CDH10: variants seen among roughly 807,000 people sequenced by gnomAD.
CDH10 encodes cadherin-10.
CDH10 carries 30 observed loss-of-function variants against 73.1 expected under a neutral mutation model. The ratio of observed to expected loss-of-function variants is 0.41; its 90% CI spans 0.31 to 0.56. The LOEUF is 0.56. Ranked by LOEUF, CDH10 falls within the 20% of genes least tolerant of loss-of-function variation. The pLI, the probability that CDH10 is intolerant of heterozygous loss-of-function variation, is 0.27. For synonymous variants in CDH10, 345 were observed against 348.2 expected (o/e 0.99, Z 0.10); for missense variants, 815 against 973.7 (o/e 0.84, Z 2.17).
intron 2 of CDH10, among the ~76,000 whole-genome samples, chr5:24,556,662 C>T (rs1205053892): frequency 6.6e-6 from 1 of 151,566 alleles, no homozygotes. Context: ...TTAAACTAAC[C>T]ATTAAATAGT....
intron 7 of CDH10, among the ~76,000 whole-genome samples, chr5:24,506,927 AT>A (rs1167841385): frequency 2.0e-5 from 3 of 152,190 alleles, no homozygotes; most frequent in African/African-American, 7.2e-5. Flanking sequence ...TAATGACAAA[AT>A]TTTGAACATT....
In CDH10 at chr5:24,630,288, C is replaced by T. The variant is rs186816799; in HGVS notation, c.-124+14306G>A. Among the ~76,000 whole-genome samples the T allele has an allele frequency of 2.5e-3, 383 of 152,156 alleles. 2 individuals are homozygous for T. Among genetic ancestry groups the T allele is most frequent in the African/African-American group, 8.9e-3 (371 of 41,530 alleles). On this transcript the variant is annotated intron_variant, in intron 1 of 11. Transcript: ENST00000264463. ...GGAGGCCACACACAGGGGCTCACTCCTGTAATCCCAGCACTTTGTAATCCC... is the reference window on the plus strand; with the variant it reads ...GGAGGCCACACACAGGGGCTCACTCTTGTAATCCCAGCACTTTGTAATCCC...
At chr5:24,582,051 C>T (rs1380316825) in intron 2 of CDH10, among the ~76,000 whole-genome samples, 2 of 152,122 alleles carry the variant, frequency 1.3e-5, no homozygotes, top group Non-Finnish European at 2.9e-5. Context: ...ATGACAACTT[C>T]TGAAAAGATT....
chr5:24,554,785 T>G (rs1291570665), intron 2 of CDH10, among the ~76,000 whole-genome samples: 3 of 152,092 alleles, frequency 2.0e-5, no homozygotes. Flanking sequence ...ATTATAGAAA[T>G]TGCACTTTTC....
chr5:24,606,972 G>T (rs888736314), intron 1 of CDH10, among the ~76,000 whole-genome samples: 4 of 152,152 alleles, frequency 2.6e-5, no homozygotes, highest in African/African-American at 9.7e-5. Flanking sequence ...CTAGTTATCA[G>T]TTGTCAAAAC....
At chr5:24,601,522 T>C (rs1025667954) in intron 1 of CDH10, among the ~76,000 whole-genome samples, 2 of 151,874 alleles carry the variant, frequency 1.3e-5, no homozygotes, top group African/African-American at 4.8e-5. Context: ...CCACTGGGAG[T>C]TGGAAGCGTA....
chr5:24,619,491 C>A (rs920358189), intron 1 of CDH10, among the ~76,000 whole-genome samples: 2 of 152,100 alleles, frequency 1.3e-5, no homozygotes, highest in South Asian at 2.1e-4. Context: ...CCGTGCCCGG[C>A]CTGATTTAGA....
chr5:24,628,075 C>A (rs1579485694), intron 1 of CDH10, among the ~76,000 whole-genome samples: 1 of 152,140 alleles, frequency 6.6e-6, no homozygotes, highest in Middle Eastern at 3.4e-3. Context: ...AGATTAAGAG[C>A]AAATTGTTTT....
intron 1 of CDH10, among the ~76,000 whole-genome samples, chr5:24,625,134 G>A (rs1172217062): frequency 1.3e-5 from 2 of 152,124 alleles, no homozygotes; most frequent in African/African-American, 4.8e-5. Flanking sequence ...GCTCATGGAA[G>A]TAACACAGGC....
chr5:24,503,593 A>C (rs1742577181), intron 8 of CDH10, among the ~76,000 whole-genome samples: 1 of 152,218 alleles, frequency 6.6e-6, no homozygotes, highest in African/African-American at 2.4e-5. Flanking sequence ...TACTAGAGAC[A>C]AATGTGGTTT....
At chr5:24,536,065 T>C (rs1743942733) in intron 3 of CDH10, among the ~76,000 whole-genome samples, 1 of 152,108 alleles carries the variant, frequency 6.6e-6, no homozygotes, top group South Asian at 2.1e-4. Flanking sequence ...AATTCTAGCA[T>C]ACAGAATATA....
chr5:24,585,715 C>T (rs1326594177), intron 2 of CDH10, among the ~76,000 whole-genome samples: 1 of 152,212 alleles, frequency 6.6e-6, no homozygotes, highest in Non-Finnish European at 1.5e-5. Context: ...TGAGCCACCG[C>T]TCCCAGCCCA....
chr5:24,505,593 A>G (rs1386376140), intron 7 of CDH10, among the ~76,000 whole-genome samples: 1 of 152,220 alleles, frequency 6.6e-6, no homozygotes, highest in African/African-American at 2.4e-5. Flanking sequence ...CAGTTATTGG[A>G]AGTTCTGCTG....
chr5:24,515,370 G>A (rs1743067594), intron 5 of CDH10, among the ~76,000 whole-genome samples: 1 of 152,116 alleles, frequency 6.6e-6, no homozygotes, highest in Admixed American at 6.5e-5. Context: ...AAAGAAAAGT[G>A]GGGCTCCTAT....
At chr5:24,519,321 C>A (rs1743226550) in intron 5 of CDH10, among the ~76,000 whole-genome samples, 1 of 146,946 alleles carries the variant, frequency 6.8e-6, no homozygotes, top group Admixed American at 6.8e-5. Context: ...TTTTAATGAT[C>A]TTCAGTTTGA....
At chr5:24,545,509 T>C (rs905746954) in intron 2 of CDH10, among the ~76,000 whole-genome samples, 6 of 152,126 alleles carry the variant, frequency 3.9e-5, no homozygotes, top group African/African-American at 1.4e-4. Context: ...GGGCTCAGTG[T>C]AAGTATTCAC....
chr5:24,575,352 C>CA (rs1388761427), intron 2 of CDH10, among the ~76,000 whole-genome samples: 1,243 of 46,968 alleles, frequency 0.026, 10 homozygotes, highest in East Asian at 0.047. Context: ...ACAACAAAAA[C>CA]AACAAAAAAA....
At chr5:24,523,345 T>C (rs550173184) in intron 5 of CDH10, among the ~76,000 whole-genome samples, 97 of 152,238 alleles carry the variant, frequency 6.4e-4, no homozygotes, top group African/African-American at 2.0e-3. Flanking sequence ...TTTATATATG[T>C]ATATATACAC....
chr5:24,498,408 C>A lies in CDH10; in HGVS notation c.1505G>T (p.Arg502Ile). ...FYDTFVCENA[R>I]PGQLIQTISA... is the part of the protein sequence containing the mutation. The stretch of plus-strand genomic sequence containing the variant: ...CCTGTAGGGGCTTACCTGCCCTGGT[C>A]TGGCATTTTCACATACAAAAGTGTC... The change falls in exon 9 of 12, where the codon AGA (arginine) becomes ATA (isoleucine). Residue 502 changes from arginine to isoleucine, a missense_variant. Physicochemically the swap from Arg to Ile is moderately conservative, Grantham distance 97 (BLOSUM62 -3). Transcript: ENST00000264463. The A allele has an allele frequency of 6.2e-7, 1 of 1,605,684 alleles. No homozygotes were observed. The highest frequency in any genetic ancestry group is 8.5e-7 in the Non-Finnish European group (1 of 1,172,908).
Sources: allele counts gnomAD v4.1 joint callset (sites outside exome capture counted in the v4.1 genomes callset), GRCh38; gene constraint gnomAD v4.1.1; transcripts MANE v1.5; gene names NCBI Gene and HGNC (gene_info 2026-07-23, HGNC 2026-07-21).